Variants in DGKB observed in about 807,000 individuals in gnomAD.
DGKB encodes the protein 90 kDa diacylglycerol kinase.
Under a neutral mutation model 114.3 loss-of-function variants are expected in DGKB, and 67 were observed. The ratio of observed to expected loss-of-function variants is 0.59; its 90% CI spans 0.48 to 0.72. The LOEUF (loss-of-function observed/expected upper bound fraction) is 0.72. Among genes scored for constraint, DGKB ranks in the 30% least tolerant of loss-of-function variants. DGKB has a pLI of 0.00. For synonymous variants in DGKB, 398 were observed against 323.1 expected, an observed-to-expected ratio of 1.23 and a Z score of -2.49; for missense variants, 907 against 975.2, an observed-to-expected ratio of 0.93 and a Z score of 0.93.
intron 20 of DGKB, among the ~76,000 whole-genome samples, chr7:14,478,576 T>C (rs1053098326): frequency 2.0e-5 from 3 of 152,088 alleles, no homozygotes; most frequent in Non-Finnish European, 4.4e-5. Flanking sequence ...CAAATAGTAA[T>C]GGAAAATACT....
intron 5 of DGKB, among the ~76,000 whole-genome samples, chr7:14,726,728 C>T (rs561686635): frequency 4.1e-4 from 62 of 152,308 alleles, no homozygotes; most frequent in African/African-American, 1.4e-3. Flanking sequence ...TGTAAACATG[C>T]ACATATATTT....
chr7:14,169,446 C>T (rs1246339154), intron 25 of DGKB, among the ~76,000 whole-genome samples: 2 of 151,658 alleles, frequency 1.3e-5, no homozygotes, highest in African/African-American at 4.8e-5. Flanking sequence ...AGGTAGCCTG[C>T]CTGGAGACCA....
chr7:14,368,869 A>G (rs550962830), intron 21 of DGKB, among the ~76,000 whole-genome samples: 70 of 152,190 alleles, frequency 4.6e-4, no homozygotes, highest in African/African-American at 1.6e-3. Context: ...CATCATGCAG[A>G]TCCGATTTCT....
At chr7:14,243,806 T>G (rs1340343149) in intron 23 of DGKB, among the ~76,000 whole-genome samples, 1 of 152,184 alleles carries the variant, frequency 6.6e-6, no homozygotes, top group African/African-American at 2.4e-5. Context: ...TGCTTCAAAA[T>G]GACCCCAGCT....
At chr7:14,330,289 T>G (rs1809497346) in intron 23 of DGKB, among the ~76,000 whole-genome samples, 1 of 151,948 alleles carries the variant, frequency 6.6e-6, no homozygotes, top group Non-Finnish European at 1.5e-5. Flanking sequence ...AAAATGCGAC[T>G]GGTACTAAAA....
chr7:14,576,581 A>G (rs1799150770), intron 19 of DGKB, among the ~76,000 whole-genome samples: 1 of 152,100 alleles, frequency 6.6e-6, no homozygotes, highest in Admixed American at 6.6e-5. Flanking sequence ...GTGTATACAT[A>G]TATACAATTA....
At chr7:14,746,734 G>C (rs1833344536) in intron 4 of DGKB, among the ~76,000 whole-genome samples, 1 of 152,074 alleles carries the variant, frequency 6.6e-6, no homozygotes, top group Non-Finnish European at 1.5e-5. Flanking sequence ...CCTAACCTCA[G>C]GTGATCCATC....
At chr7:14,199,113 T>C (rs1785450638) in intron 23 of DGKB, among the ~76,000 whole-genome samples, 1 of 152,002 alleles carries the variant, frequency 6.6e-6, no homozygotes, top group South Asian at 2.1e-4. Flanking sequence ...ATCAGTTACA[T>C]AGTAATTTTT....
chr7:14,612,180 A>ATTTTATTTTATTTTATTTT (rs1388520539), intron 16 of DGKB, among the ~76,000 whole-genome samples: 5 of 151,200 alleles, frequency 3.3e-5, no homozygotes, highest in Non-Finnish European at 7.4e-5. Flanking sequence ...ATTTTATTTT[A>ATTTTATTTTATTTTATTTT]TTTTATTTAT....
At chr7:14,644,171 A>C (rs2128880443) in intron 13 of DGKB, among the ~76,000 whole-genome samples, 1 of 152,248 alleles carries the variant, frequency 6.6e-6, no homozygotes. Flanking sequence ...TAGAACTAAA[A>C]CCAAAGCACT....
At chr7:14,256,406 A>G (rs1795974064) in intron 23 of DGKB, among the ~76,000 whole-genome samples, 1 of 151,946 alleles carries the variant, frequency 6.6e-6, no homozygotes, top group African/African-American at 2.4e-5. Context: ...ATACCACTTG[A>G]AAGCCTCTCT....
intron 23 of DGKB, among the ~76,000 whole-genome samples, chr7:14,215,974 CACAA>C (rs1788892768): frequency 6.6e-6 from 1 of 151,834 alleles, no homozygotes. Context: ...CAGATTCATT[CACAA>C]ACAGTTACAA....
Position 14,715,265 on chromosome 7 carries a change from G to A in DGKB, c.466+3277C>T, listed in dbSNP as rs76740223. Among the ~76,000 whole-genome samples the A allele has an allele frequency of 9.4e-3, 1,431 of 152,286 alleles. 27 individuals are homozygous for A. Among genetic ancestry groups the A allele is most frequent in the African/African-American group, 0.033 (1,377 of 41,554 alleles). On this transcript the variant is annotated intron_variant, in intron 6 of 25. Coordinates refer to ENST00000402815, the MANE Select transcript of DGKB (RefSeq NM_001350709.2). ...GGATCAAAGTAAAATTGACAGTTTA[G>A]TTTTGGAATAATAGCAGTTCTCGAC... is the stretch of plus-strand genomic sequence containing the variant.
intron 1 of DGKB, among the ~76,000 whole-genome samples, chr7:14,886,385 A>T (rs1158295239): frequency 6.6e-6 from 1 of 151,778 alleles, no homozygotes; most frequent in Admixed American, 6.6e-5. Flanking sequence ...GGAGATGAGG[A>T]CGGCTCAAAA....
intron 17 of DGKB, among the ~76,000 whole-genome samples, chr7:14,594,052 A>G (rs775023440): frequency 6.6e-6 from 1 of 152,104 alleles, no homozygotes; most frequent in Non-Finnish European, 1.5e-5. Flanking sequence ...ATTCTATAGA[A>G]TTAGGTGTTA....
At chr7:14,757,505 T>C in intron 3 of DGKB, 150 bp downstream of exon 3, 1 of 515,200 alleles carries the variant, frequency 1.9e-6, no homozygotes. Context: ...CACATACACA[T>C]ATACATACAT....
chr7:14,940,102 C>T (rs1189495050), intron 1 of DGKB, among the ~76,000 whole-genome samples: 1 of 152,018 alleles, frequency 6.6e-6, no homozygotes, highest in Non-Finnish European at 1.5e-5. Context: ...CCTCAACCTG[C>T]TAAAAAATGA....
chr7:14,674,928 A>G (rs1173251454), intron 12 of DGKB, among the ~76,000 whole-genome samples: 2 of 152,108 alleles, frequency 1.3e-5, no homozygotes, highest in African/African-American at 4.8e-5. Context: ...GGCACCTATT[A>G]TATGACATTT....
intron 5 of DGKB, among the ~76,000 whole-genome samples, 198 bp downstream of exon 5, chr7:14,735,843 G>T (rs1175341688): frequency 6.6e-6 from 1 of 151,964 alleles, no homozygotes; most frequent in South Asian, 2.1e-4. Context: ...TGATAGATAA[G>T]GATAAATTAT....
Sources: allele counts gnomAD v4.1 joint callset (sites outside exome capture counted in the v4.1 genomes callset), GRCh38; gene constraint gnomAD v4.1.1; transcripts MANE v1.5; gene names NCBI Gene and HGNC (gene_info 2026-07-23, HGNC 2026-07-21).